LEO1: variants seen among roughly 807,000 people sequenced by gnomAD.
The protein encoded by LEO1 is LEO1 component of Paf1/RNA polymerase II complex.
Under a neutral mutation model 80.4 loss-of-function variants are expected in LEO1, and 34 were observed. That is an observed-to-expected ratio of 0.42 (90% confidence interval 0.32 to 0.56). The LOEUF is 0.56. Ranked by LOEUF, LEO1 falls within the 20% of genes least tolerant of loss-of-function variation. The probability of loss-of-function intolerance (pLI) is 0.10; values close to 1 mark genes in which losing one functional copy is unlikely to be tolerated. For missense variants in LEO1, 631 were observed against 814.2 expected (o/e 0.77, Z 2.74); for synonymous variants, 262 against 274.9 (o/e 0.95, Z 0.46).
At chr15:51,968,654 C>A (rs927645580) in intron 1 of LEO1, among the ~76,000 whole-genome samples, 2 of 151,892 alleles carry the variant, frequency 1.3e-5, no homozygotes. Context: ...TATGGTGAAA[C>A]CCCATCTCTA....
At chr15:51,952,699 C>T (rs1001319275) in intron 8 of LEO1, among the ~76,000 whole-genome samples, 38 of 152,298 alleles carry the variant, frequency 2.5e-4, no homozygotes, top group Non-Finnish European at 3.7e-4. Flanking sequence ...CCGGGGCCTA[C>T]GGCACTGAGA....
chr15:51,968,534 A>T (rs557766946), intron 1 of LEO1, among the ~76,000 whole-genome samples: 8 of 152,142 alleles, frequency 5.3e-5, no homozygotes, highest in Non-Finnish European at 1.0e-4. Flanking sequence ...TCTCCAAAAA[A>T]AAAAAGTAAG....
intron 3 of LEO1, among the ~76,000 whole-genome samples, chr15:51,961,350 C>G (rs957216357): frequency 2.6e-4 from 37 of 144,688 alleles, no homozygotes; most frequent in African/African-American, 1.0e-3. Context: ...ACTTATAATA[C>G]CAGGTGGTGG....
At chr15:51,947,438 C>T in intron 10 of LEO1, 49 bp from the exon 11 acceptor site, 1 of 1,343,518 alleles carries the variant, frequency 7.4e-7, no homozygotes. Flanking sequence ...TTTTCTGAGA[C>T]AGGGTCTTGC....
chr15:51,962,724 T>C (rs2057041149), intron 2 of LEO1, among the ~76,000 whole-genome samples: 1 of 152,186 alleles, frequency 6.6e-6, no homozygotes, highest in African/African-American at 2.4e-5. Context: ...TCTATTTATA[T>C]GACATTTCCA....
rs2057038389 is a variant in LEO1, at chr15:51,962,427, G to C, written c.881C>G (p.Ser294Cys). ...AGTGTCACTATCCGCTTCTGAATCA[G>C]ATGCAATCGCATTCTTGCGTTTCAT... Reference protein sequence around the residue: ...LRMKRKNAIASDSEADSDTEV... With the variant: ...LRMKRKNAIACDSEADSDTEV... Residue 294 changes from serine (S) to cysteine (C), a missense_variant, in exon 3 of 12, where the codon TCT becomes TGT. Around this residue, in one of 4 missense-constraint regions of LEO1, gnomAD observed 394 missense variants for 395.6 expected, o/e 1.00. Transcript: ENST00000299601. The C allele has an allele frequency of 6.2e-7, 1 of 1,613,640 alleles. No homozygotes were observed. Among genetic ancestry groups the C allele is most frequent in the Non-Finnish European group, 8.5e-7 (1 of 1,179,758 alleles).
chr15:51,964,181 G>A (rs1281874087), intron 2 of LEO1, among the ~76,000 whole-genome samples: 1 of 151,916 alleles, frequency 6.6e-6, no homozygotes, highest in African/African-American at 2.4e-5. Context: ...ACTCCAGCCT[G>A]GGAGACAGAG....
chr15:51,950,820 C>G, intron 9 of LEO1, among the ~76,000 whole-genome samples: 1 of 152,118 alleles, frequency 6.6e-6, no homozygotes, highest in East Asian at 1.9e-4. Context: ...TTCACAGGAG[C>G]TGGGGACATG....
rs763732177 is a variant in LEO1, at chr15:51,962,465, A to T, written c.843T>A (p.Asp281Glu). 4 of 1,613,336 alleles carry T rather than the reference A, an allele frequency of 2.5e-6. No individual in the cohort carries two copies. In the Admixed American group the frequency reaches 6.7e-5, roughly 27 times the overall value. The change falls in exon 3 of 12, where the codon GAT becomes GAA. Residue 281 changes from aspartate to glutamate, a missense_variant. By Grantham distance (45) the Asp-to-Glu change is conservative (BLOSUM62 2). This residue lies in a region of LEO1 where 394 missense variants were observed against 395.6 expected (regional missense o/e 1.00). Coordinates refer to ENST00000299601, the MANE Select transcript of LEO1 (RefSeq NM_138792.4). Reference sequence around the variant, plus strand: ...TCTTGCGTTTCATTCGTAAAACTTCATCTTCACTATCACTGCCTCTTGCAG... The same window carrying T: ...TCTTGCGTTTCATTCGTAAAACTTCTTCTTCACTATCACTGCCTCTTGCAG... ...SESARGSDSE[D>E]EVLRMKRKNA...
rs1045246853 is a variant in LEO1, at chr15:51,954,740, G to A, written c.1246-165C>T. On this transcript the variant is annotated intron_variant, in intron 6 of 11. Coordinates refer to ENST00000299601, the MANE Select transcript of LEO1 (RefSeq NM_138792.4). Reference sequence around the variant, plus strand: ...GAAACCCTCTTTAATCACCTAGAGAGGTTGGATAAATTAAAAGCAGGGAAA... The same window carrying A: ...GAAACCCTCTTTAATCACCTAGAGAAGTTGGATAAATTAAAAGCAGGGAAA... The A allele has an allele frequency of 1.4e-5, 8 of 576,862 alleles. No individual in the cohort carries two copies. In the Admixed American group the frequency reaches 2.5e-4, roughly 18 times the overall value. The allele number at this position is 576,862 out of a possible 1,614,324, so 35.7% of individuals were successfully genotyped here.
At position 51,966,346 on chromosome 15, in the gene LEO1, G is replaced by A; in HGVS notation, c.217C>T (p.His73Tyr). Residue 73 changes from histidine to tyrosine, a missense_variant, in exon 2 of 12, where the codon CAT becomes TAT. His to Tyr is a moderately conservative substitution (Grantham distance 83). Around this residue, in one of 4 missense-constraint regions of LEO1, gnomAD observed 394 missense variants for 395.6 expected, o/e 1.00. Coordinates refer to ENST00000299601, the MANE Select transcript of LEO1 (RefSeq NM_138792.4). ...GAGTGATTATCACTACCACTATGAT[G>A]TGAAGCTCCCTCGTCCTCACTGTCA... ...GDDSEDEGAS[H>Y]HSGSDNHSER... 1 of 1,614,156 alleles carries A rather than the reference G, an allele frequency of 6.2e-7. No individual in the cohort carries two copies. Among genetic ancestry groups the A allele is most frequent in the African/African-American group, 1.3e-5 (1 of 75,050 alleles).
Position 51,967,262 on chromosome 15 carries a change from C to T in LEO1, c.59-758G>A, listed in dbSNP as rs563318882. 3.3e-5 allele frequency among the ~76,000 whole-genome samples: 5 copies of T among 152,316 alleles called. No individual in the cohort carries two copies. The East Asian group carries it at 9.7e-4, about 29-fold the overall frequency. ...CCAAGGCGGGCAGATCACTTGAGGTCAGGAGTTCGAGACCAGGCTGGCCAA... is the reference window on the plus strand; with the variant it reads ...CCAAGGCGGGCAGATCACTTGAGGTTAGGAGTTCGAGACCAGGCTGGCCAA... On this transcript the variant is annotated intron_variant, in intron 1 of 11. Transcript: ENST00000299601.
At chr15:51,967,829 CAAAAG>C (rs2057090189) in intron 1 of LEO1, among the ~76,000 whole-genome samples, 1 of 152,160 alleles carries the variant, frequency 6.6e-6, no homozygotes, top group Non-Finnish European at 1.5e-5. Context: ...ATATGGAAGA[CAAAAG>C]AAAACATAAA....
chr15:51,952,060 G>C, intron 8 of LEO1, 81 bp from the exon 9 acceptor site: 1 of 1,269,750 alleles, frequency 7.9e-7, no homozygotes, highest in Middle Eastern at 2.0e-4. Flanking sequence ...ACAGAAGTAA[G>C]AGCCCAGTGA....
chr15:51,962,868 G>A (rs901435565), intron 2 of LEO1, among the ~76,000 whole-genome samples: 1 of 151,990 alleles, frequency 6.6e-6, no homozygotes, highest in South Asian at 2.1e-4. Context: ...GAGTGTGGTG[G>A]TGGTTAGACA....
At chr15:51,957,117 C>G (rs897381439) in intron 6 of LEO1, among the ~76,000 whole-genome samples, 1 of 152,126 alleles carries the variant, frequency 6.6e-6, no homozygotes, top group East Asian at 1.9e-4. Context: ...GGCACCATGC[C>G]CGGCCTTTGA....
Position 51,939,653 on chromosome 15 carries a change from A to G in LEO1, c.1897-1393T>C, listed in dbSNP as rs541731583. ...ACAGGCAAAGAGCACATTCAATCAC[A>G]CTACTTGTCTTTTAATTTCCAAAGG... is the stretch of plus-strand genomic sequence containing the variant. On this transcript the variant is annotated intron_variant, in intron 11 of 11. Transcript: ENST00000299601. Among the ~76,000 whole-genome samples the G allele has an allele frequency of 4.6e-5, 7 of 152,308 alleles. No individual in the cohort carries two copies. In the East Asian group the frequency reaches 1.3e-3, roughly 29 times the overall value.
intron 6 of LEO1, among the ~76,000 whole-genome samples, chr15:51,958,097 A>C (rs1025358175): frequency 6.6e-6 from 1 of 152,216 alleles, no homozygotes; most frequent in African/African-American, 2.4e-5. Context: ...TTGAAAATGC[A>C]TAATTCCAGT....
intron 6 of LEO1, among the ~76,000 whole-genome samples, chr15:51,957,867 A>G (rs775763050): frequency 2.1e-4 from 32 of 152,086 alleles, no homozygotes; most frequent in Admixed American, 1.4e-3. Context: ...CTAAAAATAC[A>G]AAAATTAGCT....
Sources: gnomAD v4.1 joint callset for allele counts (sites outside exome capture counted in the v4.1 genomes callset) on GRCh38, gnomAD v4.1.1 for gene constraint, gnomAD v4.1.1 regional missense constraint, MANE v1.5 for transcripts, NCBI Gene and HGNC (gene_info 2026-07-23, HGNC 2026-07-21) for gene names.